The following CSMD1 variants were observed in gnomAD, a reference collection of about 807,000 sequenced individuals.
CSMD1 encodes CUB and sushi domain-containing protein 1.
CSMD1 carries 213 observed loss-of-function variants against 417.5 expected under a neutral mutation model. The observed-to-expected ratio is 0.51, with a 90% CI of 0.46 to 0.57. CSMD1 has a LOEUF of 0.57. CSMD1 is among the 20% of genes least tolerant of loss of function. CSMD1 has a pLI of 0.00. For missense variants in CSMD1, 6,923 were observed against 4,529.7 expected, an observed-to-expected ratio of 1.53 and a Z score of -15.17; for synonymous variants, 2,862 against 1,736.8, an observed-to-expected ratio of 1.65 and a Z score of -16.11.
intron 41 of CSMD1, among the ~76,000 whole-genome samples, chr8:3,139,548 T>G (rs1433704871): frequency 6.6e-6 from 1 of 152,166 alleles, no homozygotes; most frequent in Non-Finnish European, 1.5e-5. Flanking sequence ...GACCCCATCA[T>G]GTTAGACACC....
chr8:3,995,993 T>A (rs1815183519), intron 5 of CSMD1, among the ~76,000 whole-genome samples: 1 of 152,220 alleles, frequency 6.6e-6, no homozygotes, highest in Admixed American at 6.5e-5. Context: ...TCTCTGGCTA[T>A]CTGTGCTGAT....
At chr8:4,690,737 A>G (rs908927728) in intron 1 of CSMD1, among the ~76,000 whole-genome samples, 1 of 152,188 alleles carries the variant, frequency 6.6e-6, no homozygotes, top group South Asian at 2.1e-4. Context: ...TGATATTATT[A>G]TTTTATTTTT....
At chr8:3,957,324 T>G (rs1465373137) in intron 5 of CSMD1, among the ~76,000 whole-genome samples, 4 of 152,160 alleles carry the variant, frequency 2.6e-5, no homozygotes, top group African/African-American at 9.7e-5. Flanking sequence ...TTTCTTTCAT[T>G]CAACAAATAT....
intron 7 of CSMD1, among the ~76,000 whole-genome samples, chr8:3,644,980 A>AT (rs1563228884): frequency 9.9e-5 from 15 of 151,098 alleles, no homozygotes; most frequent in East Asian, 9.7e-4. Context: ...AAAAAAAAAA[A>AT]AAAAAAAAAA....
At chr8:3,590,051 C>G (rs1375163472) in intron 8 of CSMD1, among the ~76,000 whole-genome samples, 1 of 151,734 alleles carries the variant, frequency 6.6e-6, no homozygotes, top group Non-Finnish European at 1.5e-5. Flanking sequence ...AAGAATGCAA[C>G]ATCGCTTTAT....
chr8:3,484,453 C>T (rs534191861), intron 11 of CSMD1, among the ~76,000 whole-genome samples: 1 of 152,202 alleles, frequency 6.6e-6, no homozygotes, highest in South Asian at 2.1e-4. Flanking sequence ...GGATAAGAGA[C>T]TTAAATGTAA....
At chr8:3,431,383 C>T (rs1413646960) in intron 12 of CSMD1, among the ~76,000 whole-genome samples, 1 of 152,154 alleles carries the variant, frequency 6.6e-6, no homozygotes, top group Non-Finnish European at 1.5e-5. Flanking sequence ...TCCCACTAGG[C>T]AGTTGCTTTA....
chr8:3,556,384 TAATA>T (rs896718919), intron 10 of CSMD1, among the ~76,000 whole-genome samples: 3 of 121,790 alleles, frequency 2.5e-5, no homozygotes, highest in Non-Finnish European at 4.9e-5. Context: ...TTAAAATTTA[TAATA>T]ATTAATATAT....
chr8:4,644,927 G>A (rs1174736528), intron 1 of CSMD1, among the ~76,000 whole-genome samples: 1 of 152,170 alleles, frequency 6.6e-6, no homozygotes, highest in Non-Finnish European at 1.5e-5. Flanking sequence ...GTGGGAGGTA[G>A]AGGTGGTCGG....
intron 2 of CSMD1, among the ~76,000 whole-genome samples, chr8:4,430,722 G>T (rs1029153852): frequency 3.9e-5 from 6 of 151,966 alleles, no homozygotes; most frequent in African/African-American, 1.4e-4. Flanking sequence ...AAGAGATTTT[G>T]CCCCCAAGCA....
At chr8:3,894,212 G>T (rs141882708) in intron 5 of CSMD1, among the ~76,000 whole-genome samples, 1 of 152,156 alleles carries the variant, frequency 6.6e-6, no homozygotes, top group East Asian at 1.9e-4. Context: ...AAACCCAGAA[G>T]ACAAGAACGC....
rs569050557 is a variant in CSMD1 at position 4,059,063 on chromosome 8, G to A, written c.416-26964C>T. ...GGAAGTAAAGCTCTCCTCAGCAAAT[G>A]TAAAAGAACAGAAATTATAACAAAC... On this transcript the variant is annotated intron_variant, in intron 3 of 69. Coordinates refer to ENST00000635120, the MANE Select transcript of CSMD1 (RefSeq NM_033225.6). Among the ~76,000 whole-genome samples, 6 of 152,192 alleles carry A rather than the reference G, an allele frequency of 3.9e-5. No individual in the cohort carries two copies. In the East Asian group the frequency reaches 5.8e-4, roughly 15 times the overall value.
At chr8:3,934,216 C>G (rs17068051) in intron 5 of CSMD1, among the ~76,000 whole-genome samples, 1,938 of 152,274 alleles carry the variant, frequency 0.013, 38 homozygotes, top group African/African-American at 0.044. Context: ...ACACTCCTAC[C>G]TAATCAATGA....
At chr8:4,373,480 ACTGT>A (rs1157981393) in intron 3 of CSMD1, among the ~76,000 whole-genome samples, 1 of 152,154 alleles carries the variant, frequency 6.6e-6, no homozygotes, top group African/African-American at 2.4e-5. Context: ...TAAATCTAAA[ACTGT>A]CCTAAAAAAG....
chr8:3,830,781 G>C (rs1352041624), intron 5 of CSMD1, among the ~76,000 whole-genome samples: 1 of 152,126 alleles, frequency 6.6e-6, no homozygotes, highest in Non-Finnish European at 1.5e-5. Flanking sequence ...GAATGGATAT[G>C]CACGCCAGTA....
intron 3 of CSMD1, among the ~76,000 whole-genome samples, chr8:4,213,234 C>A (rs1440416025): frequency 1.3e-5 from 2 of 152,158 alleles, no homozygotes; most frequent in Non-Finnish European, 2.9e-5. Flanking sequence ...TATGAACCAG[C>A]TGGGTGGCTC....
At chr8:3,750,489 T>C (rs1797281991) in intron 6 of CSMD1, among the ~76,000 whole-genome samples, 1 of 152,124 alleles carries the variant, frequency 6.6e-6, no homozygotes, top group Admixed American at 6.6e-5. Flanking sequence ...TCCCCAAATA[T>C]CAATCGACTA....
intron 29 of CSMD1, among the ~76,000 whole-genome samples, chr8:3,215,561 C>G (rs1386067247): frequency 1.3e-5 from 2 of 152,206 alleles, no homozygotes; most frequent in African/African-American, 4.8e-5. Flanking sequence ...TTCTGGGGCC[C>G]CTCAATTAGG....
chr8:3,930,338 G>C (rs887609511), intron 5 of CSMD1, among the ~76,000 whole-genome samples: 8 of 150,662 alleles, frequency 5.3e-5, no homozygotes, highest in African/African-American at 1.5e-4. Flanking sequence ...ATATCTGCCA[G>C]CCATAATAAA....
Sources: allele counts gnomAD v4.1 joint callset (sites outside exome capture counted in the v4.1 genomes callset), GRCh38; gene constraint gnomAD v4.1.1; transcripts MANE v1.5; gene names NCBI Gene and HGNC (gene_info 2026-07-23, HGNC 2026-07-21).